Variants in PRPSAP2 observed in about 807,000 individuals in gnomAD.
PRPSAP2 encodes phosphoribosyl pyrophosphate synthase-associated protein 2.
In PRPSAP2, 24 loss-of-function variants were observed where a neutral mutation model predicts 40.6. That is an observed-to-expected ratio of 0.59 (90% CI 0.43 to 0.83). PRPSAP2 has a LOEUF of 0.83. Among genes scored for constraint, PRPSAP2 ranks in the 40% least tolerant of loss-of-function variants. The pLI is 0.00. For missense variants in PRPSAP2, 292 were observed against 465.6 expected (o/e 0.63, Z 3.43); for synonymous variants, 149 against 164.7 (o/e 0.90, Z 0.73).
chr17:18,928,735 CT>C (rs528134793), intron 10 of PRPSAP2, 75 bp from the exon 11 acceptor site: 181 of 1,551,286 alleles, frequency 1.2e-4, no homozygotes, highest in Admixed American at 3.9e-4. Flanking sequence ...TAGGCAGACC[CT>C]TTTTTTTTCC....
intron 7 of PRPSAP2, among the ~76,000 whole-genome samples, chr17:18,887,503 A>G (rs1597613945): frequency 6.6e-6 from 1 of 150,970 alleles, no homozygotes; most frequent in African/African-American, 2.4e-5. Context: ...TGCTGGGATT[A>G]TGGGCATGAG....
At chr17:18,912,476 C>T (rs541081879) in intron 9 of PRPSAP2, among the ~76,000 whole-genome samples, 7 of 152,276 alleles carry the variant, frequency 4.6e-5, no homozygotes, top group Middle Eastern at 3.4e-3. Flanking sequence ...GTTCATCTTA[C>T]GTGCAAAATA....
chr17:18,862,551 G>A (rs1940899878), intron 1 of PRPSAP2, among the ~76,000 whole-genome samples: 1 of 152,136 alleles, frequency 6.6e-6, no homozygotes, highest in Admixed American at 6.5e-5. Context: ...GATATGCAGG[G>A]CACTGTGTTA....
chr17:18,901,335 G>C (rs1291580809), intron 8 of PRPSAP2, among the ~76,000 whole-genome samples: 1 of 152,012 alleles, frequency 6.6e-6, no homozygotes, highest in Non-Finnish European at 1.5e-5. Context: ...ACGTTGCTCA[G>C]GTCCTGAGGT....
Position 18,911,493 on chromosome 17 carries a change from C to T in PRPSAP2, c.733+242C>T, listed in dbSNP as rs2040956316. On this transcript the variant is annotated intron_variant, in intron 9 of 11. Coordinates refer to ENST00000268835, the MANE Select transcript of PRPSAP2 (RefSeq NM_002767.4). This position sits in a 1 kb window ranked among gnomAD's most constrained non-coding sequence, Gnocchi z 4.5. ...AATGTTTGGACTATTGAGACAGTTG[C>T]AATGCTTCAGGGAAGTCCATTCATT... 6.6e-6 allele frequency among the ~76,000 whole-genome samples: 1 copy of T among 152,186 alleles called. No individual in the cohort carries two copies. The highest frequency in any genetic ancestry group is 1.5e-5 in the Non-Finnish European group (1 of 68,036).
chr17:18,911,348 T>TTA lies in PRPSAP2; in HGVS notation c.733+97_733+98insTA, dbSNP rs55971101. ...TTTTTCCTCATTCTTCGTTTTTTTT[T>TTA]AGTTGGCAAAAACTCATTAACACCT... On this transcript the variant is annotated intron_variant, in intron 9 of 11. Coordinates refer to ENST00000268835, the MANE Select transcript of PRPSAP2 (RefSeq NM_002767.4). The surrounding 1 kb of genome is among the most constrained non-coding windows in gnomAD (Gnocchi z 4.5). 0.87 allele frequency: 1,079,242 copies of TTA among 1,244,368 alleles called. 465,967 individuals carry two copies. The highest frequency in any genetic ancestry group is 0.9 in the Middle Eastern group (4,283 of 4,740). 77.1% of individuals were successfully genotyped at this position (1,244,368 alleles called of 1,614,324 possible). A position where few individuals can be genotyped will look rare whatever the true frequency, so the allele number is the denominator to read the frequency against.
chr17:18,895,374 C>G (rs566702024), intron 8 of PRPSAP2, among the ~76,000 whole-genome samples: 5 of 151,906 alleles, frequency 3.3e-5, no homozygotes, highest in Non-Finnish European at 5.9e-5. Flanking sequence ...CCATCACTTC[C>G]AGCCCATATT....
intron 8 of PRPSAP2, among the ~76,000 whole-genome samples, chr17:18,892,929 C>T (rs1348004625): frequency 2.6e-5 from 4 of 151,152 alleles, no homozygotes; most frequent in Admixed American, 2.6e-4. Context: ...GCTTTTTGGC[C>T]ATTTGTATAT....
intron 8 of PRPSAP2, chr17:18,908,160 A>G (rs2040716532): frequency 1.7e-6 from 1 of 574,184 alleles, no homozygotes; most frequent in Non-Finnish European, 3.1e-6. Flanking sequence ...CTCCATCTCA[A>G]CAACAAAAAA....
At chr17:18,928,752 G>A in intron 10 of PRPSAP2, 59 bp from the exon 11 acceptor site, 3 of 1,597,522 alleles carry the variant, frequency 1.9e-6, no homozygotes, top group African/African-American at 1.3e-5. Context: ...TTTCCTGGTT[G>A]TCTAACCTAT....
chr17:18,921,253 C>T (rs898442580), intron 9 of PRPSAP2, among the ~76,000 whole-genome samples: 4 of 147,212 alleles, frequency 2.7e-5, no homozygotes, highest in Non-Finnish European at 5.9e-5. Flanking sequence ...GTGGATAAAA[C>T]ACTTTTCCCA....
At chr17:18,923,719 G>A (rs1203345953) in intron 9 of PRPSAP2, among the ~76,000 whole-genome samples, 195 bp from the exon 10 acceptor site, 1 of 152,218 alleles carries the variant, frequency 6.6e-6, no homozygotes, top group Non-Finnish European at 1.5e-5. Flanking sequence ...GCTGATCTTA[G>A]GGGAAAGCTT....
At chr17:18,928,371 G>A (rs2042081036) in intron 10 of PRPSAP2, 1 of 203,506 alleles carries the variant, frequency 4.9e-6, no homozygotes, top group South Asian at 8.7e-5. Context: ...AATAAGGAAA[G>A]TAGCAAGAAG....
chr17:18,860,238 T>C (rs2036903589), intron 1 of PRPSAP2, among the ~76,000 whole-genome samples: 2 of 151,596 alleles, frequency 1.3e-5, no homozygotes, highest in Non-Finnish European at 2.9e-5. Flanking sequence ...TTTTGTATTT[T>C]TTAGTAGGGG....
chr17:18,861,470 A>G (rs1432654080), intron 1 of PRPSAP2: 1 of 152,018 alleles, frequency 6.6e-6, no homozygotes, highest in Non-Finnish European at 1.5e-5. Flanking sequence ...ATCTTAAAAA[A>G]AAAAAAAAGA....
chr17:18,873,038 C>T (rs1177570409), intron 5 of PRPSAP2, among the ~76,000 whole-genome samples: 1 of 151,942 alleles, frequency 6.6e-6, no homozygotes, highest in East Asian at 1.9e-4. Flanking sequence ...GACGGGGTTT[C>T]ACCATGTTGG....
intron 7 of PRPSAP2, among the ~76,000 whole-genome samples, chr17:18,882,947 C>T (rs1235535287): frequency 2.6e-4 from 40 of 152,168 alleles, no homozygotes; most frequent in Non-Finnish European, 1.5e-5. Flanking sequence ...AATTTACTCT[C>T]ATTACTAGTC....
chr17:18,908,401 T>C, intron 8 of PRPSAP2: 1 of 762,420 alleles, frequency 1.3e-6, no homozygotes, highest in Non-Finnish European at 2.4e-6. Context: ...TGGAGGAAGA[T>C]GAAGAACTTT....
At chr17:18,866,075 C>T in intron 3 of PRPSAP2, 123 bp downstream of exon 3, 1 of 658,382 alleles carries the variant, frequency 1.5e-6, no homozygotes, top group East Asian at 5.5e-5. Flanking sequence ...ATAATTATAT[C>T]TTTTTTTCAT....
Sources: gnomAD v4.1 joint callset for allele counts (sites outside exome capture counted in the v4.1 genomes callset) on GRCh38, gnomAD v4.1.1 for gene constraint, Gnocchi (gnomAD v3.1) non-coding constraint, MANE v1.5 for transcripts, NCBI Gene and HGNC (gene_info 2026-07-23, HGNC 2026-07-21) for gene names.